TMPRSS11A: variants seen among roughly 807,000 people sequenced by gnomAD.
The protein encoded by TMPRSS11A is transmembrane serine protease 11A.
In TMPRSS11A, 53 loss-of-function variants were observed where a neutral mutation model predicts 58.9. That is an observed-to-expected ratio of 0.90 (90% CI 0.72 to 1.13). The LOEUF (loss-of-function observed/expected upper bound fraction) is 1.13. Ranked by LOEUF, TMPRSS11A falls within the 50% of genes most tolerant of loss-of-function variation. The pLI is 0.00. For synonymous variants in TMPRSS11A, 167 were observed against 169.8 expected (o/e 0.98, Z 0.13); for missense variants, 493 against 499.3 (o/e 0.99, Z 0.12).
chr4:67,923,400 TC>T (rs1014932770), intron 6 of TMPRSS11A, among the ~76,000 whole-genome samples: 7 of 152,356 alleles, frequency 4.6e-5, no homozygotes, highest in African/African-American at 1.7e-4. Flanking sequence ...ACATCATTGC[TC>T]AAATTCATCA....
intron 3 of TMPRSS11A, among the ~76,000 whole-genome samples, chr4:67,944,046 C>G (rs575038811): frequency 6.6e-6 from 1 of 152,210 alleles, no homozygotes; most frequent in Admixed American, 6.5e-5. Flanking sequence ...GACTTGATTA[C>G]TACAAAATAA....
chr4:67,925,633 G>A (rs1035815515), intron 5 of TMPRSS11A, among the ~76,000 whole-genome samples: 3 of 152,160 alleles, frequency 2.0e-5, no homozygotes, highest in Non-Finnish European at 2.9e-5. Flanking sequence ...ACCATCGATT[G>A]CTGTTAGTGG....
chr4:67,951,827 G>A (rs1721168894), intron 1 of TMPRSS11A, among the ~76,000 whole-genome samples: 1 of 152,120 alleles, frequency 6.6e-6, no homozygotes, highest in Non-Finnish European at 1.5e-5. Context: ...AAATTCCATG[G>A]AGCCATTTCA....
At chr4:67,916,846 A>C (rs958090678) in intron 8 of TMPRSS11A, among the ~76,000 whole-genome samples, 3 of 152,102 alleles carry the variant, frequency 2.0e-5, no homozygotes, top group Admixed American at 6.6e-5. Context: ...ATAAAAATAA[A>C]AATAAAAATA....
intron 1 of TMPRSS11A, among the ~76,000 whole-genome samples, chr4:67,955,946 T>C (rs552636356): frequency 3.9e-5 from 6 of 152,328 alleles, no homozygotes; most frequent in Non-Finnish European, 8.8e-5. Flanking sequence ...AAAAGAGGTC[T>C]TCTATAGGCA....
In TMPRSS11A at chr4:67,962,772, A is replaced by G. The variant is rs1721469396; in HGVS notation, c.11+611T>C. 2.0e-5 allele frequency among the ~76,000 whole-genome samples: 3 copies of G among 152,246 alleles called. No homozygotes were observed. In the South Asian group the frequency reaches 6.2e-4, roughly 32 times the overall value. On this transcript the variant is annotated intron_variant, in intron 1 of 9. Transcript: ENST00000508048. ...TTGCACATGGCATACCCCATTTTGAAAAACAATACCCAAATAATTCATGTA... is the reference window on the plus strand; with the variant it reads ...TTGCACATGGCATACCCCATTTTGAGAAACAATACCCAAATAATTCATGTA...
chr4:67,923,924 G>T (rs1271843998), intron 6 of TMPRSS11A, among the ~76,000 whole-genome samples: 1 of 152,084 alleles, frequency 6.6e-6, no homozygotes, highest in African/African-American at 2.4e-5. Flanking sequence ...TGCCCCAGAA[G>T]GTTACCATGG....
At chr4:67,958,800 A>G (rs1367410720) in intron 1 of TMPRSS11A, among the ~76,000 whole-genome samples, 2 of 152,174 alleles carry the variant, frequency 1.3e-5, no homozygotes, top group Non-Finnish European at 2.9e-5. Flanking sequence ...CTTGAACTGT[A>G]GCTCTCACAA....
chr4:67,923,919 CAGA>C (rs1217751613), intron 6 of TMPRSS11A, among the ~76,000 whole-genome samples: 1 of 152,116 alleles, frequency 6.6e-6, no homozygotes, highest in Non-Finnish European at 1.5e-5. Context: ...CAAATTGCCC[CAGA>C]AGGTTACCAT....
chr4:67,961,482 CCTTTTTTTTTTTTTTTTTT>C lies in TMPRSS11A; in HGVS notation c.11+1882_11+1900del, dbSNP rs1721420104. Among the ~76,000 whole-genome samples the C allele has an allele frequency of 4.4e-3, 448 of 102,412 alleles. 41 individuals are homozygous for C. The highest frequency in any genetic ancestry group is 0.014 in the African/African-American group (288 of 20,968). The allele number at this position is 102,412 out of a possible 152,430, so 67.2% of individuals were successfully genotyped here. On this transcript the variant is annotated intron_variant, in intron 1 of 9. Coordinates refer to ENST00000508048, the MANE Select transcript of TMPRSS11A (RefSeq NM_001114387.2). ...CTTTTCTTTCCTTTCCTTTTCTTTT[CCTTTTTTTTTTTTTTTTTT>C]TTTTTTTTTTTTTTTTTTTTTTTTT... is the stretch of plus-strand genomic sequence containing the variant.
chr4:67,955,683 G>A (rs1721273741), intron 1 of TMPRSS11A, among the ~76,000 whole-genome samples: 1 of 151,946 alleles, frequency 6.6e-6, no homozygotes, highest in African/African-American at 2.4e-5. Context: ...ACGAATTTTT[G>A]TTTCCCACAA....
At chr4:67,951,989 C>T (rs955316013) in intron 1 of TMPRSS11A, among the ~76,000 whole-genome samples, 6 of 152,118 alleles carry the variant, frequency 3.9e-5, no homozygotes, top group African/African-American at 1.2e-4. Context: ...GGAAAGCAAC[C>T]TTCTGTGGTG....
chr4:67,959,564 G>T (rs1721373998), intron 1 of TMPRSS11A, among the ~76,000 whole-genome samples: 1 of 152,108 alleles, frequency 6.6e-6, no homozygotes, highest in Non-Finnish European at 1.5e-5. Context: ...CTTAAAAGAA[G>T]ACATACAGGT....
chr4:67,950,240 G>A (rs1220370332), intron 1 of TMPRSS11A, among the ~76,000 whole-genome samples: 2 of 152,156 alleles, frequency 1.3e-5, no homozygotes, highest in Non-Finnish European at 2.9e-5. Flanking sequence ...AGCTCATTTA[G>A]GTATTAGGCA....
At chr4:67,959,420 C>T (rs1411000433) in intron 1 of TMPRSS11A, among the ~76,000 whole-genome samples, 1 of 152,146 alleles carries the variant, frequency 6.6e-6, no homozygotes, top group African/African-American at 2.4e-5. Context: ...AGACAATCTA[C>T]AGAATCAGAG....
At chr4:67,941,704 G>C (rs963862906) in intron 3 of TMPRSS11A, among the ~76,000 whole-genome samples, 1 of 152,136 alleles carries the variant, frequency 6.6e-6, no homozygotes, top group African/African-American at 2.4e-5. Context: ...TTAAAAAACT[G>C]AATCTACCTA....
At chr4:67,926,434 C>T (rs774292885) in intron 5 of TMPRSS11A, among the ~76,000 whole-genome samples, 1 of 152,236 alleles carries the variant, frequency 6.6e-6, no homozygotes, top group African/African-American at 2.4e-5. Flanking sequence ...ATGTGCCTTT[C>T]TTAAGTGCTA....
intron 2 of TMPRSS11A, among the ~76,000 whole-genome samples, chr4:67,944,967 G>T (rs1014016009): frequency 6.6e-6 from 1 of 152,162 alleles, no homozygotes; most frequent in African/African-American, 2.4e-5. Flanking sequence ...TAACTAGTAG[G>T]TGGCCTGTCC....
At chr4:67,938,893 C>CTT (rs59980988) in intron 3 of TMPRSS11A, among the ~76,000 whole-genome samples, 20 of 139,312 alleles carry the variant, frequency 1.4e-4, no homozygotes, top group African/African-American at 4.6e-4. Flanking sequence ...GCTATTGGGG[C>CTT]TTTTTTTTTT....
Sources: gnomAD v4.1 joint callset for allele counts (sites outside exome capture counted in the v4.1 genomes callset) on GRCh38, gnomAD v4.1.1 for gene constraint, MANE v1.5 for transcripts, NCBI Gene and HGNC (gene_info 2026-07-23, HGNC 2026-07-21) for gene names.